Variants in PYY observed in about 807,000 individuals in gnomAD.
PYY encodes peptide YY.
PYY carries 12 observed loss-of-function variants against 10.3 expected under a neutral mutation model. The ratio of observed to expected loss-of-function variants is 1.17; its 90% CI spans 0.75 to 1.89. The LOEUF (loss-of-function observed/expected upper bound fraction) is 1.89. Among genes scored for constraint, PYY ranks in the 40% most tolerant of loss-of-function variants. The pLI is 0.00. For synonymous variants in PYY, 66 were observed against 62.0 expected, an observed-to-expected ratio of 1.06 and a Z score of -0.30; for missense variants, 141 against 134.0, an observed-to-expected ratio of 1.05 and a Z score of -0.26.
At chr17:43,999,315 G>T (rs562273323) in intron 1 of PYY, among the ~76,000 whole-genome samples, 2 of 152,148 alleles carry the variant, frequency 1.3e-5, no homozygotes, top group African/African-American at 4.8e-5. Flanking sequence ...AAGGGAGAAC[G>T]AGAGGGAGGA....
At chr17:43,954,888 C>T (rs764408389), upstream of PYY, among the ~76,000 whole-genome samples, 1 of 152,224 alleles carries the variant, frequency 6.6e-6, no homozygotes, top group South Asian at 2.1e-4. Flanking sequence ...TGCATAATTT[C>T]GGGCATCACA....
intron 1 of PYY, among the ~76,000 whole-genome samples, chr17:43,978,198 G>A (rs1195691106): frequency 2.1e-5 from 3 of 142,342 alleles, no homozygotes; most frequent in African/African-American, 7.8e-5. Flanking sequence ...AAAGAAAGAA[G>A]AAAGGAAAGA....
rs923697468 is a variant in PYY, at chr17:43,987,800, C to T, written c.-463+16591G>A. Among the ~76,000 whole-genome samples the T allele has an allele frequency of 1.1e-4, 17 of 152,330 alleles. No homozygotes were observed. The East Asian group carries it at 1.5e-3, about 14-fold the overall frequency. ...AGAGCTTACAGTCCAGCAGGGAACACAGCCCAAAACAAACAGATGAACAGA... is the reference window on the plus strand; with the variant it reads ...AGAGCTTACAGTCCAGCAGGGAACATAGCCCAAAACAAACAGATGAACAGA... On this transcript the variant is annotated intron_variant, in intron 1 of 6. Coordinates refer to the PYY transcript ENST00000360085. This position sits in a 1 kb window ranked among gnomAD's most constrained non-coding sequence, Gnocchi z 4.0.
chr17:43,969,385 C>T (rs1429921927), intron 1 of PYY, among the ~76,000 whole-genome samples: 2 of 151,372 alleles, frequency 1.3e-5, no homozygotes, highest in East Asian at 2.0e-4. Flanking sequence ...GCCGTGGTGG[C>T]GGGCACCTGT....
chr17:43,967,885 C>G (rs560504773), intron 1 of PYY, among the ~76,000 whole-genome samples: 1 of 152,146 alleles, frequency 6.6e-6, no homozygotes, highest in East Asian at 1.9e-4. Context: ...ACTGGGGCTA[C>G]GAGAGGGATC....
At chr17:43,999,279 G>T (rs1354418987) in intron 1 of PYY, among the ~76,000 whole-genome samples, 1 of 152,076 alleles carries the variant, frequency 6.6e-6, no homozygotes, top group Non-Finnish European at 1.5e-5. Context: ...TAGGGGTGGG[G>T]GAGATGGCCT....
intron 1 of PYY, among the ~76,000 whole-genome samples, chr17:43,994,232 C>A (rs922901250): frequency 3.9e-5 from 6 of 152,008 alleles, no homozygotes; most frequent in African/African-American, 1.5e-4. Flanking sequence ...CACTGCCAGG[C>A]CCCCCTCTCT....
At chr17:44,001,114 G>T (rs1272513629) in intron 1 of PYY, among the ~76,000 whole-genome samples, 1 of 152,150 alleles carries the variant, frequency 6.6e-6, no homozygotes, top group East Asian at 1.9e-4. Flanking sequence ...CCCCTCAGGA[G>T]CTGTGATGTG....
At position 43,953,416 on chromosome 17, in the gene PYY, C is replaced by T; in HGVS notation, c.68G>A (p.Gly23Glu). ...GATGGGGTAGGCGTCGACCAGCGCCCCTAGGCAGACGAGCAGGGCCAGAAG... is the reference window on the plus strand; with the variant it reads ...GATGGGGTAGGCGTCGACCAGCGCCTCTAGGCAGACGAGCAGGGCCAGAAG... ...TVLLALLVCL[G>E]ALVDAYPIKP... Residue 23 changes from glycine (G) to glutamate (E), a missense_variant, in exon 2 of 4, where the codon GGG becomes GAG. Gly to Glu is a moderately conservative substitution (Grantham distance 98, BLOSUM62 -2). Coordinates refer to ENST00000692052, the MANE Select transcript of PYY (RefSeq NM_001394028.1). 1.2e-6 allele frequency: 2 copies of T among 1,612,968 alleles called. No homozygotes were observed. The highest frequency in any genetic ancestry group is 1.6e-4 in the Middle Eastern group (1 of 6,062).
chr17:43,988,844 C>T, intron 1 of PYY, among the ~76,000 whole-genome samples: 1 of 150,644 alleles, frequency 6.6e-6, no homozygotes, highest in South Asian at 2.1e-4. Flanking sequence ...CTCATTGCAA[C>T]CTCCACCTCC....
chr17:43,989,979 C>G (rs1490124164), intron 1 of PYY, among the ~76,000 whole-genome samples: 1 of 149,176 alleles, frequency 6.7e-6, no homozygotes, highest in African/African-American at 2.5e-5. Flanking sequence ...AGCAAGGAAC[C>G]ATACCAACAT....
intron 1 of PYY, among the ~76,000 whole-genome samples, chr17:43,978,537 A>G (rs1034370601): frequency 5.9e-5 from 9 of 152,152 alleles, no homozygotes; most frequent in Non-Finnish European, 1.2e-4. Context: ...AGCATCTTTC[A>G]TGGCTTCCAT....
Position 43,989,178 on chromosome 17 carries a change from T to A in PYY, c.-463+15213A>T, listed in dbSNP as rs182951984. 3.9e-5 allele frequency among the ~76,000 whole-genome samples: 6 copies of A among 151,942 alleles called. No homozygotes were observed. In the East Asian group the frequency reaches 7.8e-4, roughly 20 times the overall value. Reference sequence around the variant, plus strand: ...TCACGAGGTCAGGAGATCAAGACCATCCTGGCTAACACGGTGAAACCCCGT... The same window carrying A: ...TCACGAGGTCAGGAGATCAAGACCAACCTGGCTAACACGGTGAAACCCCGT... On this transcript the variant is annotated intron_variant, in intron 1 of 6. Coordinates refer to the PYY transcript ENST00000360085.
At chr17:43,957,059 G>A (rs1305733549), upstream of PYY, among the ~76,000 whole-genome samples, 12 of 152,042 alleles carry the variant, frequency 7.9e-5, no homozygotes, top group Admixed American at 2.0e-4. Context: ...TTAGCCAAGC[G>A]TCGTGGCGCA....
chr17:43,967,764 A>T (rs370539398), intron 1 of PYY, among the ~76,000 whole-genome samples: 1 of 152,106 alleles, frequency 6.6e-6, no homozygotes, highest in East Asian at 1.9e-4. Context: ...CAGCGGGGAA[A>T]CGGGGGAAGA....
At chr17:43,963,620 AAGAAAG>A (rs796442631) in intron 2 of PYY, among the ~76,000 whole-genome samples, 9,210 of 89,578 alleles carry the variant, frequency 0.1, 526 homozygotes, top group Middle Eastern at 0.18. Flanking sequence ...GAAAGAAAGA[AAGAAAG>A]AGAAAGAAAG....
At chr17:44,000,830 T>G (rs2049021424) in intron 1 of PYY, among the ~76,000 whole-genome samples, 1 of 151,838 alleles carries the variant, frequency 6.6e-6, no homozygotes, top group South Asian at 2.1e-4. Flanking sequence ...GCTGGGATTA[T>G]AGGCATGAGC....
chr17:44,001,638 C>T lies in PYY; in HGVS notation c.-463+2753G>A, dbSNP rs1418729056. ...GGGCCCCATTGGCTGCCTGGGGACACGGCCCTCTGGGATGAAGCCCAAAGG... is the reference window on the plus strand; with the variant it reads ...GGGCCCCATTGGCTGCCTGGGGACATGGCCCTCTGGGATGAAGCCCAAAGG... On this transcript the variant is annotated intron_variant, in intron 1 of 6. Transcript: ENST00000360085. Among the ~76,000 whole-genome samples, 3 of 152,192 alleles carry T rather than the reference C, an allele frequency of 2.0e-5. No individual in the cohort carries two copies. Among genetic ancestry groups the T allele is most frequent in the Admixed American group, 1.3e-4 (2 of 15,286 alleles).
rs1200467446 is a variant in PYY, at chr17:43,976,082, T to C, written c.-462-9550A>G. Among the ~76,000 whole-genome samples, 2 of 147,710 alleles carry C rather than the reference T, an allele frequency of 1.4e-5. 1 individual carries two copies. Among genetic ancestry groups the C allele is most frequent in the African/African-American group, 5.0e-5 (2 of 40,310 alleles). ...ATACATGTATACGCGTATGTACATG[T>C]ATACATGAATATGCATATATACGTG... On this transcript the variant is annotated intron_variant, in intron 1 of 6. Transcript: ENST00000360085.
Sources: gnomAD v4.1 joint callset for allele counts (sites outside exome capture counted in the v4.1 genomes callset) on GRCh38, gnomAD v4.1.1 for gene constraint, Gnocchi (gnomAD v3.1) non-coding constraint, MANE v1.5 for transcripts, NCBI Gene and HGNC (gene_info 2026-07-23, HGNC 2026-07-21) for gene names.